PTPRR: variants seen among roughly 807,000 people sequenced by gnomAD.
PTPRR encodes receptor-type tyrosine-protein phosphatase R.
Under a neutral mutation model 77.2 loss-of-function variants are expected in PTPRR, and 38 were observed. That is an observed-to-expected ratio of 0.49 (90% CI 0.38 to 0.65). The LOEUF is 0.65. Among genes scored for constraint, PTPRR ranks in the 30% least tolerant of loss-of-function variants. The pLI, the probability that PTPRR is intolerant of heterozygous loss-of-function variation, is 0.00. For missense variants in PTPRR, 744 were observed against 799.2 expected (o/e 0.93, Z 0.83); for synonymous variants, 299 against 283.1 (o/e 1.06, Z -0.57).
intron 2 of PTPRR, among the ~76,000 whole-genome samples, chr12:70,884,764 C>CTGG (rs1893208374): frequency 2.8e-5 from 4 of 141,978 alleles, no homozygotes; most frequent in African/African-American, 1.1e-4. Context: ...CCCAGCTACT[C>CTGG]CGGAGGCTGA....
At chr12:70,708,880 C>T (rs970953381) in intron 6 of PTPRR, among the ~76,000 whole-genome samples, 5 of 151,504 alleles carry the variant, frequency 3.3e-5, no homozygotes, top group Non-Finnish European at 7.4e-5. Flanking sequence ...AATGAATAAC[C>T]TCCTGTCTCT....
intron 2 of PTPRR, among the ~76,000 whole-genome samples, chr12:70,814,371 C>A (rs74102008): frequency 0.011 from 1,678 of 152,218 alleles, 36 homozygotes; most frequent in African/African-American, 0.037. Context: ...TTGTTCTCTG[C>A]CCAGTGACAC....
chr12:70,683,675 G>A (rs61932460), intron 10 of PTPRR, among the ~76,000 whole-genome samples: 4,424 of 152,040 alleles, frequency 0.029, 96 homozygotes, highest in South Asian at 0.11. Context: ...CTATTTATAA[G>A]TTTATTATGT....
chr12:70,779,377 T>C (rs1344849880), intron 2 of PTPRR, among the ~76,000 whole-genome samples: 2 of 152,060 alleles, frequency 1.3e-5, no homozygotes, highest in African/African-American at 2.4e-5. Flanking sequence ...ATGCTCATTT[T>C]TACCTTATGG....
At chr12:70,805,790 G>T (rs997906098) in intron 2 of PTPRR, among the ~76,000 whole-genome samples, 1 of 152,200 alleles carries the variant, frequency 6.6e-6, no homozygotes, top group African/African-American at 2.4e-5. Context: ...CATTGCTCAA[G>T]ATTATATAGG....
intron 2 of PTPRR, among the ~76,000 whole-genome samples, chr12:70,864,804 T>C (rs952831974): frequency 2.6e-5 from 4 of 152,108 alleles, no homozygotes; most frequent in African/African-American, 9.7e-5. Context: ...CAAGATCCGA[T>C]GATTTTGTTG....
In PTPRR at chr12:70,841,196, C is replaced by T. The variant is rs1381458060; in HGVS notation, c.357+51483G>A. On this transcript the variant is annotated intron_variant, in intron 2 of 13. Coordinates refer to ENST00000283228, the MANE Select transcript of PTPRR (RefSeq NM_002849.4). ...AGACTCCACTCTACCCTTACCCCCCCAACAAAAAAATTGCAAAGCATAAAT... is the reference window on the plus strand; with the variant it reads ...AGACTCCACTCTACCCTTACCCCCCTAACAAAAAAATTGCAAAGCATAAAT... 2.6e-5 allele frequency among the ~76,000 whole-genome samples: 4 copies of T among 151,686 alleles called. No individual in the cohort carries two copies. The East Asian group carries it at 7.7e-4, about 29-fold the overall frequency.
intron 2 of PTPRR, among the ~76,000 whole-genome samples, chr12:70,852,082 T>C (rs1271536803): frequency 6.6e-6 from 1 of 152,074 alleles, no homozygotes; most frequent in Non-Finnish European, 1.5e-5. Flanking sequence ...AGACAGTGTA[T>C]GAGTGCATGA....
chr12:70,823,108 GACACAC>G (rs58549756), intron 2 of PTPRR, among the ~76,000 whole-genome samples: 7,121 of 139,602 alleles, frequency 0.051, 201 homozygotes, highest in Middle Eastern at 0.072. Context: ...CTCTCTCTCT[GACACAC>G]ACACACACAC....
At chr12:70,827,281 TAATA>T (rs1054434678) in intron 2 of PTPRR, among the ~76,000 whole-genome samples, 2 of 152,198 alleles carry the variant, frequency 1.3e-5, no homozygotes, top group Non-Finnish European at 1.5e-5. Flanking sequence ...AGCAGGTACT[TAATA>T]AATGAATAGT....
intron 1 of PTPRR, among the ~76,000 whole-genome samples, chr12:70,902,238 A>G (rs562997175): frequency 6.6e-6 from 1 of 152,014 alleles, no homozygotes; most frequent in South Asian, 2.1e-4. Flanking sequence ...TAGTACAGCC[A>G]CTATGGAAAA....
intron 1 of PTPRR, among the ~76,000 whole-genome samples, chr12:70,899,259 C>G (rs1213732253): frequency 6.6e-6 from 1 of 150,980 alleles, no homozygotes; most frequent in East Asian, 1.9e-4. Flanking sequence ...CAGATAGAGA[C>G]AATCCTAAAA....
intron 2 of PTPRR, among the ~76,000 whole-genome samples, chr12:70,817,784 A>T (rs2048606): frequency 6.6e-6 from 1 of 152,210 alleles, no homozygotes; most frequent in Admixed American, 6.5e-5. Context: ...ATACAGACCC[A>T]CAAGCACATG....
intron 2 of PTPRR, among the ~76,000 whole-genome samples, chr12:70,820,268 G>A (rs1202423970): frequency 6.6e-6 from 1 of 152,178 alleles, no homozygotes; most frequent in African/African-American, 2.4e-5. Context: ...GACTGAGAGT[G>A]ATTCCTAACA....
chr12:70,886,784 T>C (rs941465699), intron 2 of PTPRR, among the ~76,000 whole-genome samples: 1 of 152,246 alleles, frequency 6.6e-6, no homozygotes, highest in African/African-American at 2.4e-5. Context: ...TGTGTTTCTT[T>C]TGGCATCAAC....
intron 1 of PTPRR, among the ~76,000 whole-genome samples, chr12:70,897,043 C>T (rs947436610): frequency 1.6e-4 from 24 of 151,654 alleles, no homozygotes; most frequent in East Asian, 1.9e-4. Flanking sequence ...AGTCAGGTAG[C>T]GTGATGCCTC....
intron 13 of PTPRR, among the ~76,000 whole-genome samples, chr12:70,640,643 G>C (rs1283064537): frequency 6.6e-6 from 1 of 152,170 alleles, no homozygotes; most frequent in Admixed American, 6.6e-5. Flanking sequence ...GTTTTAACCA[G>C]ATTTTTCCAA....
At chr12:70,786,772 A>G (rs1395321678) in intron 2 of PTPRR, among the ~76,000 whole-genome samples, 1 of 152,236 alleles carries the variant, frequency 6.6e-6, no homozygotes, top group Non-Finnish European at 1.5e-5. Flanking sequence ...ACAATTCTCC[A>G]AGAAACACGG....
At chr12:70,708,960 T>G (rs1208881425) in intron 6 of PTPRR, among the ~76,000 whole-genome samples, 1 of 152,026 alleles carries the variant, frequency 6.6e-6, no homozygotes, top group African/African-American at 2.4e-5. Flanking sequence ...TATTCATTTA[T>G]TTGTAAGGCC....
Sources: allele counts gnomAD v4.1 joint callset (sites outside exome capture counted in the v4.1 genomes callset), GRCh38; gene constraint gnomAD v4.1.1; transcripts MANE v1.5; gene names NCBI Gene and HGNC (gene_info 2026-07-23, HGNC 2026-07-21).